MEX3D: variants seen among roughly 807,000 people sequenced by gnomAD.
MEX3D encodes the protein mex-3 RNA binding family member D, also known as RNA-binding protein MEX3D.
In MEX3D, 4 loss-of-function variants were observed where a neutral mutation model predicts 6.3. That is an observed-to-expected ratio of 0.64 (90% CI 0.31 to 1.46). The LOEUF is 1.46. Ranked by LOEUF, MEX3D falls within the 40% of genes most tolerant of loss-of-function variation. MEX3D has a pLI of 0.07. For synonymous variants in MEX3D, 626 were observed against 494.1 expected, an observed-to-expected ratio of 1.27 and a Z score of -3.54; for missense variants, 1,038 against 994.4, an observed-to-expected ratio of 1.04 and a Z score of -0.59.
intron 1 of MEX3D, among the ~76,000 whole-genome samples, chr19:1,560,788 T>C (rs975898157): frequency 2.6e-5 from 4 of 152,152 alleles, no homozygotes; most frequent in Non-Finnish European, 5.9e-5. Context: ...AAGACGGAGC[T>C]GGAGCTCAAT....
At chr19:1,557,165 C>T (rs1275042504) in intron 1 of MEX3D, among the ~76,000 whole-genome samples, 2 of 152,206 alleles carry the variant, frequency 1.3e-5, no homozygotes, top group Non-Finnish European at 2.9e-5. Flanking sequence ...AAGGTGTGCG[C>T]CATAATTTAT....
intron 1 of MEX3D, among the ~76,000 whole-genome samples, chr19:1,563,067 T>G (rs951128557): frequency 6.6e-6 from 1 of 152,154 alleles, no homozygotes; most frequent in Non-Finnish European, 1.5e-5. Context: ...ACATGTACAC[T>G]GTACTAACGC....
At chr19:1,557,390 C>A (rs1377545812) in intron 1 of MEX3D, among the ~76,000 whole-genome samples, 1 of 150,906 alleles carries the variant, frequency 6.6e-6, no homozygotes, top group African/African-American at 2.4e-5. Flanking sequence ...CATGGTGAAA[C>A]CCTGTCTCTA....
In MEX3D at chr19:1,565,990, G is replaced by C. The variant is rs1914829393; in HGVS notation, c.595+1474C>G. ...CTCCACCACCTGGAGGCTCAGGCTC[G>C]TGCCTTTGGTCACTTGGTCCCCAGG... On this transcript the variant is annotated intron_variant, in intron 1 of 1. Transcript: ENST00000402693. Among the ~76,000 whole-genome samples the C allele has an allele frequency of 3.3e-5, 5 of 152,204 alleles. No individual in the cohort carries two copies. The South Asian group carries it at 1.0e-3, about 31-fold the overall frequency.
At chr19:1,561,310 C>A (rs1173250467) in intron 1 of MEX3D, among the ~76,000 whole-genome samples, 1 of 152,120 alleles carries the variant, frequency 6.6e-6, no homozygotes, top group Non-Finnish European at 1.5e-5. Context: ...GAATGTGAAC[C>A]CCAGGGAGCC....
At position 1,556,758 on chromosome 19, in the gene MEX3D, C is replaced by T. The variant is rs1164258377; in HGVS notation, c.761G>A (p.Arg254His). ...AEHFSIIRAT[R>H]SKAGGLPGAA... is the part of the protein sequence containing the mutation. ...GCCGGGCAGACCCCCGGCCTTGCTG[C>T]GCGTGGCGCGGATGATGGAGAAGTG... Residue 254 changes from arginine to histidine, a missense_variant, in exon 2 of 2, where the codon CGC becomes CAC. Around this residue, in one of 5 missense-constraint regions of MEX3D, gnomAD observed 52 missense variants for 37.4 expected, o/e 1.39. Coordinates refer to ENST00000402693, the MANE Select transcript of MEX3D (RefSeq NM_203304.4). This position sits in a 1 kb window ranked among gnomAD's most constrained non-coding sequence, Gnocchi z 7.5. 6.2e-7 allele frequency: 1 copy of T among 1,612,200 alleles called. No individual in the cohort carries two copies. Among genetic ancestry groups the T allele is most frequent in the Non-Finnish European group, 8.5e-7 (1 of 1,179,684 alleles).
intron 1 of MEX3D, among the ~76,000 whole-genome samples, chr19:1,558,284 G>A (rs1464714319): frequency 6.6e-6 from 1 of 151,564 alleles, no homozygotes; most frequent in African/African-American, 2.4e-5. Context: ...AGGATCACCT[G>A]AGCCCGGGAG....
intron 1 of MEX3D, among the ~76,000 whole-genome samples, chr19:1,558,529 T>C (rs1406540194): frequency 6.6e-6 from 1 of 152,060 alleles, no homozygotes; most frequent in African/African-American, 2.4e-5. Context: ...CTTGGAACTT[T>C]TATCTTACAG....
Position 1,556,940 on chromosome 19 carries a change from G to C in MEX3D, c.596-17C>G. ...TCTTGCAGCCTGTCCGGGAGGGAGG[G>C]GAAGGACAAGGTGACCCAGAGCCCC... On this transcript the variant is annotated splice_polypyrimidine_tract_variant and intron_variant, in intron 1 of 1. Transcript: ENST00000402693. This position sits in a 1 kb window ranked among gnomAD's most constrained non-coding sequence, Gnocchi z 7.5. 1 of 1,579,536 alleles carries C rather than the reference G, an allele frequency of 6.3e-7. No homozygotes were observed. Among genetic ancestry groups the C allele is most frequent in the African/African-American group, 1.3e-5 (1 of 74,294 alleles).
rs1473821677 is a variant in MEX3D at position 1,555,890 on chromosome 19, C to T, written c.1629G>A (p.Trp543Ter). ...AGGATACGGGGCCCTGCGGGGGTCG[C>T]CAGGACAGCGCGCCCACCGGGTCCG... ...GAPDPVGALS[W>*]RPPQGPVSFP... Residue 543 changes from tryptophan (W) to a stop codon, truncating the protein, a stop_gained, in exon 2 of 2, where the codon TGG (tryptophan) becomes TGA (stop). Transcript: ENST00000402693. LOFTEE classifies it low-confidence loss of function (END_TRUNC). 5.5e-6 allele frequency: 7 copies of T among 1,265,286 alleles called. No individual in the cohort carries two copies. Among genetic ancestry groups the T allele is most frequent in the Non-Finnish European group, 7.0e-6 (7 of 1,006,178 alleles). The allele number at this position is 1,265,286 out of a possible 1,614,324, so 78.4% of individuals were successfully genotyped here. A position where few individuals can be genotyped will look rare whatever the true frequency, so the allele number is the denominator to read the frequency against.
Position 1,555,522 on chromosome 19 carries a change from T to A in MEX3D, c.*41A>T, listed in dbSNP as rs561236440. ...CCGCCCCGTCTCCCGCGCCCACCCC[T>A]GGCCCCCGCAGATGGCCCCGGCCAC... On this transcript the variant is annotated 3_prime_UTR_variant, in exon 2 of 2. Transcript: ENST00000402693. 1.9e-4 allele frequency: 253 copies of A among 1,316,050 alleles called. 3 individuals are homozygous for A. In the South Asian group the frequency reaches 3.1e-3, roughly 16 times the overall value. 81.5% of individuals were successfully genotyped at this position (1,316,050 alleles called of 1,614,324 possible).
chr19:1,558,695 C>T (rs543505217), intron 1 of MEX3D, among the ~76,000 whole-genome samples: 3 of 152,346 alleles, frequency 2.0e-5, no homozygotes, highest in Non-Finnish European at 4.4e-5. Context: ...GGCCAAATGA[C>T]CCTCCCTAGG....
At chr19:1,557,254 G>A (rs1228567738) in intron 1 of MEX3D, among the ~76,000 whole-genome samples, 1 of 152,142 alleles carries the variant, frequency 6.6e-6, no homozygotes, top group Non-Finnish European at 1.5e-5. Context: ...AATATGCGGC[G>A]TTGACAGTAT....
intron 1 of MEX3D, among the ~76,000 whole-genome samples, chr19:1,561,474 A>G (rs1490964040): frequency 6.6e-6 from 1 of 152,218 alleles, no homozygotes; most frequent in Non-Finnish European, 1.5e-5. Flanking sequence ...TATGGAAGCC[A>G]GCGGGAGCTG....
In MEX3D at chr19:1,568,068, T is replaced by C; in HGVS notation, c.-10A>G. On this transcript the variant is annotated 5_prime_UTR_variant, in exon 1 of 2. The change abolishes the stop of an existing upstream ORF in the 5' untranslated region. Transcript: ENST00000402693. ...CGAGCGAGCTGGGCATGGCGGGAGC[T>C]AGCGCTGGGGCCCGCGCTCCTGCCG... 2.1e-6 allele frequency: 2 copies of C among 973,786 alleles called. No individual in the cohort carries two copies. The highest frequency in any genetic ancestry group is 2.4e-6 in the Non-Finnish European group (2 of 826,568). The allele number at this position is 973,786 out of a possible 1,614,324, so 60.3% of individuals were successfully genotyped here.
intron 1 of MEX3D, among the ~76,000 whole-genome samples, chr19:1,564,015 G>A (rs79198209): frequency 0.034 from 5,201 of 151,466 alleles, 390 homozygotes; most frequent in East Asian, 0.34. Flanking sequence ...CGCCATGTTG[G>A]CCGGGCTGGT....
chr19:1,566,700 G>A (rs969510686), intron 1 of MEX3D, among the ~76,000 whole-genome samples: 14 of 151,922 alleles, frequency 9.2e-5, no homozygotes, highest in African/African-American at 1.4e-4. Flanking sequence ...CCCGCAGCTC[G>A]GGGGCCAATG....
chr19:1,568,047 C>A lies in MEX3D; in HGVS notation c.12G>T (p.Ser4=), dbSNP rs983032560. Residue 4 remains serine (S), a synonymous_variant, in exon 1 of 2, where the codon TCG becomes TCT. Coordinates refer to ENST00000402693, the MANE Select transcript of MEX3D (RefSeq NM_203304.4). ...CCCCGCCGCCGTCGGGCTGGCCGAGCGAGCTGGGCATGGCGGGAGCTAGCG... is the reference window on the plus strand; with the variant it reads ...CCCCGCCGCCGTCGGGCTGGCCGAGAGAGCTGGGCATGGCGGGAGCTAGCG... MPS[S]LGQPDGGGGG... 1.0e-5 allele frequency: 10 copies of A among 978,514 alleles called. No individual in the cohort carries two copies. Among genetic ancestry groups the A allele is most frequent in the Non-Finnish European group, 3.6e-6 (3 of 827,748 alleles). 60.6% of individuals were successfully genotyped at this position (978,514 alleles called of 1,614,324 possible).
chr19:1,559,137 T>G (rs1914656509), intron 1 of MEX3D, among the ~76,000 whole-genome samples: 1 of 151,102 alleles, frequency 6.6e-6, no homozygotes, highest in Non-Finnish European at 1.5e-5. Flanking sequence ...ATGCCCAGCT[T>G]AATTAGTTAT....
Sources: allele counts gnomAD v4.1 joint callset (sites outside exome capture counted in the v4.1 genomes callset), GRCh38; gene constraint gnomAD v4.1.1; regional missense constraint gnomAD v4.1.1; non-coding constraint Gnocchi (gnomAD v3.1); transcripts MANE v1.5; gene names NCBI Gene and HGNC (gene_info 2026-07-23, HGNC 2026-07-21).